SSBP2: variants seen among roughly 807,000 people sequenced by gnomAD.
SSBP2 encodes the protein single stranded DNA binding protein 2.
In SSBP2, 17 loss-of-function variants were observed where a neutral mutation model predicts 61.8. That is an observed-to-expected ratio of 0.28 (90% CI 0.19 to 0.41). The LOEUF (loss-of-function observed/expected upper bound fraction) is 0.41. SSBP2 is among the 10% of genes least tolerant of loss of function. The probability of loss-of-function intolerance (pLI) is 1.00; values close to 1 mark genes in which losing one functional copy is unlikely to be tolerated. For missense variants in SSBP2, 310 were observed against 458.7 expected, an observed-to-expected ratio of 0.68 and a Z score of 2.96; for synonymous variants, 139 against 141.3, an observed-to-expected ratio of 0.98 and a Z score of 0.12.
chr5:81,611,249 G>A (rs1411197192), intron 4 of SSBP2, among the ~76,000 whole-genome samples: 3 of 152,054 alleles, frequency 2.0e-5, no homozygotes, highest in South Asian at 2.1e-4. Flanking sequence ...CTATAGTTTC[G>A]GGTAAGTGAA....
intron 3 of SSBP2, among the ~76,000 whole-genome samples, chr5:81,625,137 G>A (rs1482551552): frequency 6.6e-6 from 1 of 152,134 alleles, no homozygotes; most frequent in African/African-American, 2.4e-5. Context: ...TTATGACAAT[G>A]TGATAATTAG....
intron 1 of SSBP2, among the ~76,000 whole-genome samples, chr5:81,673,794 T>C (rs543942873): frequency 6.6e-6 from 1 of 152,310 alleles, no homozygotes; most frequent in East Asian, 1.9e-4. Context: ...TGAATTAAAA[T>C]GATAAGAAGG....
rs1763398825 is a variant in SSBP2 at position 81,446,337 on chromosome 5, G to A, written c.778+531C>T. On this transcript the variant is annotated intron_variant, in intron 12 of 16. Coordinates refer to ENST00000320672, the MANE Select transcript of SSBP2 (RefSeq NM_012446.5). ...TATATAAAAGGATTATGAAAACATTGAAGTATGTTTTAGTTTAGAAGATAA... is the reference window on the plus strand; with the variant it reads ...TATATAAAAGGATTATGAAAACATTAAAGTATGTTTTAGTTTAGAAGATAA... Among the ~76,000 whole-genome samples, 4 of 152,222 alleles carry A rather than the reference G, an allele frequency of 2.6e-5. No homozygotes were observed. In the South Asian group the frequency reaches 6.2e-4, roughly 24 times the overall value.
At chr5:81,512,875 C>T (rs10040718) in intron 5 of SSBP2, among the ~76,000 whole-genome samples, 25 of 151,976 alleles carry the variant, frequency 1.6e-4, no homozygotes, top group African/African-American at 4.3e-4. Flanking sequence ...TAATGCCTTT[C>T]GACTCTAGTT....
At chr5:81,483,596 G>GT (rs1215384543) in intron 6 of SSBP2, among the ~76,000 whole-genome samples, 14 of 152,104 alleles carry the variant, frequency 9.2e-5, no homozygotes, top group Non-Finnish European at 1.0e-4. Flanking sequence ...CTTGCTCAAA[G>GT]TTATACATTG....
chr5:81,611,314 A>G (rs1455743457), intron 4 of SSBP2, among the ~76,000 whole-genome samples: 1 of 152,194 alleles, frequency 6.6e-6, no homozygotes, highest in African/African-American at 2.4e-5. Context: ...AAGGGAAAAG[A>G]ATAAAAGTAA....
At chr5:81,542,817 TTC>T (rs60252222) in intron 4 of SSBP2, among the ~76,000 whole-genome samples, 234 of 106,698 alleles carry the variant, frequency 2.2e-3, no homozygotes, top group South Asian at 5.9e-3. Context: ...ATTTGACAGT[TTC>T]TCTCTCTCTC....
At chr5:81,521,913 C>A (rs1769518666) in intron 4 of SSBP2, among the ~76,000 whole-genome samples, 2 of 151,892 alleles carry the variant, frequency 1.3e-5, no homozygotes, top group South Asian at 4.2e-4. Context: ...AAGAATCTTG[C>A]CAGAAGGATT....
chr5:81,712,108 C>T (rs1212112011), intron 1 of SSBP2, among the ~76,000 whole-genome samples: 1 of 149,802 alleles, frequency 6.7e-6, no homozygotes, highest in Non-Finnish European at 1.5e-5. Flanking sequence ...GTTAAAATAT[C>T]AAAAATTATG....
At chr5:81,625,054 A>G (rs899977616) in intron 3 of SSBP2, among the ~76,000 whole-genome samples, 1 of 152,158 alleles carries the variant, frequency 6.6e-6, no homozygotes, top group Non-Finnish European at 1.5e-5. Flanking sequence ...TATATGCTAC[A>G]TAACTTGATG....
rs554290542 is a variant in SSBP2 at position 81,446,765 on chromosome 5, G to T, written c.778+103C>A. On this transcript the variant is annotated intron_variant, in intron 12 of 16. Transcript: ENST00000320672. ...TGCTGCCTCTACTCCTTTAACTATC[G>T]TGAGAACATGAATACTACTAACTTT... is the stretch of plus-strand genomic sequence containing the variant. 5.4e-6 allele frequency: 6 copies of T among 1,115,814 alleles called. No homozygotes were observed. In the East Asian group the frequency reaches 7.9e-5, roughly 15 times the overall value. The allele number at this position is 1,115,814 out of a possible 1,614,324, so 69.1% of individuals were successfully genotyped here. A position where few individuals can be genotyped will look rare whatever the true frequency, so the allele number is the denominator to read the frequency against.
intron 1 of SSBP2, among the ~76,000 whole-genome samples, chr5:81,738,810 A>T (rs528861849): frequency 6.6e-6 from 1 of 152,142 alleles, no homozygotes; most frequent in Admixed American, 6.5e-5. Flanking sequence ...CATGCTCCAT[A>T]TGATTTCCAA....
intron 10 of SSBP2, among the ~76,000 whole-genome samples, chr5:81,449,703 A>G (rs748484866): frequency 1.4e-4 from 22 of 152,208 alleles, no homozygotes; most frequent in Non-Finnish European, 3.2e-4. Context: ...AAGTACAACC[A>G]AGTTATGATT....
intron 1 of SSBP2, among the ~76,000 whole-genome samples, chr5:81,705,641 A>G (rs891513821): frequency 1.3e-5 from 2 of 152,208 alleles, no homozygotes; most frequent in Non-Finnish European, 2.9e-5. Flanking sequence ...GTATTTCAGA[A>G]TCTTTGGAAG....
At chr5:81,646,946 A>G (rs1749325664) in intron 2 of SSBP2, among the ~76,000 whole-genome samples, 1 of 152,062 alleles carries the variant, frequency 6.6e-6, no homozygotes, top group Non-Finnish European at 1.5e-5. Context: ...CATGGTATAC[A>G]GGAAAACCCA....
At chr5:81,608,183 A>G (rs950845356) in intron 4 of SSBP2, among the ~76,000 whole-genome samples, 52 of 152,248 alleles carry the variant, frequency 3.4e-4, no homozygotes, top group African/African-American at 1.2e-3. Context: ...TCTGCTAAGC[A>G]TATCACAAGT....
At chr5:81,570,571 T>C (rs1581051153) in intron 4 of SSBP2, among the ~76,000 whole-genome samples, 1 of 152,160 alleles carries the variant, frequency 6.6e-6, no homozygotes, top group African/African-American at 2.4e-5. Flanking sequence ...CTGTTCAAGG[T>C]AAGCACATCA....
chr5:81,519,879 TTCATTAA>T (rs1257959431), intron 4 of SSBP2, among the ~76,000 whole-genome samples: 1 of 152,170 alleles, frequency 6.6e-6, no homozygotes, highest in Non-Finnish European at 1.5e-5. Context: ...TTTTTTCTGT[TTCATTAA>T]CATGTTTACT....
intron 5 of SSBP2, among the ~76,000 whole-genome samples, chr5:81,506,946 T>A (rs1768226125): frequency 6.6e-6 from 1 of 152,146 alleles, no homozygotes; most frequent in South Asian, 2.1e-4. Flanking sequence ...GAGCTTTTTG[T>A]CCTTGTTGCT....
Sources: allele counts gnomAD v4.1 joint callset (sites outside exome capture counted in the v4.1 genomes callset), GRCh38; gene constraint gnomAD v4.1.1; transcripts MANE v1.5; gene names NCBI Gene and HGNC (gene_info 2026-07-23, HGNC 2026-07-21).